The following CFAP47 variants were observed in gnomAD, a reference collection of about 807,000 sequenced individuals.
CFAP47 encodes the protein cilia- and flagella-associated protein 47.
A neutral mutation model predicts 148.1 loss-of-function variants in CFAP47; 29 were observed. The observed-to-expected ratio is 0.20, with a 90% confidence interval of 0.15 to 0.27. The LOEUF (loss-of-function observed/expected upper bound fraction) is 0.27. Among genes scored for constraint, CFAP47 ranks in the 10% least tolerant of loss-of-function variants. CFAP47 has a pLI of 1.00. For missense variants in CFAP47, 1,872 were observed against 1,697.5 expected (o/e 1.10, Z -1.81); for synonymous variants, 664 against 577.3 (o/e 1.15, Z -2.15).
chrX:36,276,243 A>G (rs1941015934), intron 49 of CFAP47, among the ~76,000 whole-genome samples: 1 of 110,307 alleles, frequency 9.1e-6, no homozygotes, highest in Non-Finnish European at 1.9e-5. Context: ...AACAAAATTG[A>G]TATGTCAAAG....
chrX:36,274,323 G>A (rs967314387), intron 49 of CFAP47, among the ~76,000 whole-genome samples: 1 of 111,763 alleles, frequency 8.9e-6, no homozygotes, highest in African/African-American at 3.2e-5. Context: ...TTCTACTTAT[G>A]ACTTTTCAAC....
intron 46 of CFAP47, among the ~76,000 whole-genome samples, chrX:36,234,407 C>T (rs782806104): frequency 5.4e-5 from 6 of 112,120 alleles, no homozygotes; most frequent in East Asian, 5.6e-4. Flanking sequence ...TTGATCGCAT[C>T]GGCTCCTGAG....
intron 40 of CFAP47, among the ~76,000 whole-genome samples, chrX:36,187,269 T>C (rs1602036142): frequency 8.9e-6 from 1 of 112,146 alleles, no homozygotes; most frequent in East Asian, 2.8e-4. Context: ...GAGTCTCTTT[T>C]TGGGGATGAG....
chrX:35,988,081 T>A (rs1349508174), intron 15 of CFAP47, among the ~76,000 whole-genome samples: 1 of 111,650 alleles, frequency 9.0e-6, no homozygotes, highest in Non-Finnish European at 1.9e-5. Flanking sequence ...TTCAAATTTG[T>A]GCTCTTTTAA....
Position 36,148,897 on chromosome X carries a change from A to ATGTG in CFAP47, c.5671-208_5671-207insGTGT, listed in dbSNP as rs1222257025. 4.0e-3 allele frequency among the ~76,000 whole-genome samples: 303 copies of ATGTG among 76,401 alleles called. 2 individuals are homozygous for ATGTG. The highest frequency in any genetic ancestry group is 0.026 in the African/African-American group (279 of 10,532). 66.3% of individuals were successfully genotyped at this position (76,401 alleles called of 115,157 possible). ...TCTTTGCCCACTTCAGCTAAACTGT[A>ATGTG]TGTATGTGTGTGTGTGTGTGTGTGT... On this transcript the variant is annotated intron_variant, in intron 36 of 63. Coordinates refer to ENST00000378653, the MANE Select transcript of CFAP47 (RefSeq NM_001304548.2).
chrX:36,215,446 T>C (rs1295928528), intron 45 of CFAP47, among the ~76,000 whole-genome samples: 1 of 109,432 alleles, frequency 9.1e-6, no homozygotes, highest in African/African-American at 3.3e-5. Flanking sequence ...GTCTGCTTGG[T>C]TGTAAAGGAG....
intron 50 of CFAP47, among the ~76,000 whole-genome samples, chrX:36,284,945 C>T (rs1179997249): frequency 9.0e-6 from 1 of 111,283 alleles, no homozygotes; most frequent in Non-Finnish European, 1.9e-5. Flanking sequence ...CTGAATTTGA[C>T]AGACGTAAAA....
chrX:36,316,853 T>C (rs1941438080), intron 56 of CFAP47, among the ~76,000 whole-genome samples: 1 of 112,162 alleles, frequency 8.9e-6, no homozygotes, highest in Admixed American at 9.5e-5. Context: ...TGGCACGATC[T>C]CAGCTTACTA....
intron 4 of CFAP47, among the ~76,000 whole-genome samples, chrX:35,948,700 A>C (rs977184214): frequency 1.8e-5 from 2 of 111,502 alleles, no homozygotes; most frequent in Non-Finnish European, 3.8e-5. Flanking sequence ...GGACCAGGGA[A>C]GGGCTCCACT....
chrX:36,311,006 A>G lies in CFAP47; in HGVS notation c.8344+17A>G, dbSNP rs1556009874. The stretch of plus-strand genomic sequence containing the variant: ...TACTGACAAGTAAGTTGTTTTTCTT[A>G]TATTTTACATGTTATTTTATAGGTA... On this transcript the variant is annotated intron_variant, in intron 56 of 63. Transcript: ENST00000378653. 1.1e-6 allele frequency: 1 copy of G among 943,357 alleles called. No homozygotes were observed. Among genetic ancestry groups the G allele is most frequent in the Non-Finnish European group, 1.4e-6 (1 of 710,647 alleles). The allele number at this position is 943,357 out of a possible 1,213,427, so 77.7% of individuals were successfully genotyped here.
intron 45 of CFAP47, among the ~76,000 whole-genome samples, chrX:36,225,892 G>C (rs1374939065): frequency 1.8e-5 from 2 of 110,935 alleles, no homozygotes; most frequent in African/African-American, 6.6e-5. Context: ...AGTTTGAGAG[G>C]TGATCCCAAA....
At position 36,202,174 on chromosome X, in the gene CFAP47, A is replaced by G. The variant is rs1939987871; in HGVS notation, c.6663+674A>G. Among the ~76,000 whole-genome samples the G allele has an allele frequency of 3.6e-5, 4 of 111,452 alleles. No homozygotes were observed. In the South Asian group the frequency reaches 1.5e-3, roughly 42 times the overall value. On this transcript the variant is annotated intron_variant, in intron 44 of 63. Coordinates refer to ENST00000378653, the MANE Select transcript of CFAP47 (RefSeq NM_001304548.2). ...ACTACTATTGCTATTAACTATTGCT[A>G]TAGACTCTATCATTACAGCTTAGAA...
At chrX:36,267,477 CTTT>C (rs1206035626) in intron 49 of CFAP47, among the ~76,000 whole-genome samples, 5 of 82,107 alleles carry the variant, frequency 6.1e-5, no homozygotes, top group African/African-American at 5.2e-5. Context: ...GGTTCATGTT[CTTT>C]TTTTTTTTTT....
At chrX:36,083,105 T>C (rs1938012898) in intron 29 of CFAP47, among the ~76,000 whole-genome samples, 2 of 111,068 alleles carry the variant, frequency 1.8e-5, no homozygotes, top group African/African-American at 6.5e-5. Flanking sequence ...ACTCATCATT[T>C]TCAAGAGAGC....
chrX:36,101,232 CA>C (rs1159538111), intron 32 of CFAP47, among the ~76,000 whole-genome samples: 1 of 111,902 alleles, frequency 8.9e-6, no homozygotes, highest in African/African-American at 3.3e-5. Context: ...TTTGATAATC[CA>C]AACTGTGAAA....
Position 36,104,689 on chromosome X carries a change from A to G in CFAP47, c.5318A>G (p.Lys1773Arg), listed in dbSNP as rs771271109. The change falls in exon 33 of 64, where the codon AAA (lysine) becomes AGA (arginine). Residue 1773 changes from lysine to arginine, a missense_variant and splice_region_variant. Coordinates refer to ENST00000378653, the MANE Select transcript of CFAP47 (RefSeq NM_001304548.2). Reference sequence around the variant, plus strand: ...CATGTGATATGGAAAAACTGTCACAAAGGTGAGAAGTGATATTTTTCTTTA... The same window carrying G: ...CATGTGATATGGAAAAACTGTCACAGAGGTGAGAAGTGATATTTTTCTTTA... ...TRHVIWKNCH[K>R]DVIPSERWIV... 4 of 739,903 alleles carry G rather than the reference A, an allele frequency of 5.4e-6. No homozygotes were observed. Among genetic ancestry groups the G allele is most frequent in the Non-Finnish European group, 7.9e-6 (4 of 508,208 alleles). The allele number at this position is 739,903 out of a possible 1,213,427, so 61.0% of individuals were successfully genotyped here. A position where few individuals can be genotyped will look rare whatever the true frequency, so the allele number is the denominator to read the frequency against.
At chrX:36,366,102 G>A (rs782369811) in intron 61 of CFAP47, among the ~76,000 whole-genome samples, 10 of 111,672 alleles carry the variant, frequency 9.0e-5, no homozygotes, top group South Asian at 3.7e-4. Flanking sequence ...CTATCCAGTT[G>A]CTCACAAAAT....
intron 15 of CFAP47, among the ~76,000 whole-genome samples, chrX:35,980,925 A>G (rs1392102017): frequency 9.0e-6 from 1 of 110,971 alleles, no homozygotes; most frequent in East Asian, 2.8e-4. Context: ...TATCACAAAC[A>G]TATATGCGTG....
intron 49 of CFAP47, among the ~76,000 whole-genome samples, chrX:36,265,890 T>C (rs1940885453): frequency 8.9e-6 from 1 of 111,930 alleles, no homozygotes; most frequent in African/African-American, 3.3e-5. Flanking sequence ...ATTTTTATGG[T>C]CATTATTGCC....
Sources: allele counts gnomAD v4.1 joint callset (sites outside exome capture counted in the v4.1 genomes callset), GRCh38; gene constraint gnomAD v4.1.1; transcripts MANE v1.5; gene names NCBI Gene and HGNC (gene_info 2026-07-23, HGNC 2026-07-21).